Variants in FILIP1L observed in about 807,000 individuals in gnomAD.
FILIP1L encodes filamin A-interacting protein 1-like.
In FILIP1L, 55 loss-of-function variants were observed where a neutral mutation model predicts 96.6. That is an observed-to-expected ratio of 0.57 (90% confidence interval 0.46 to 0.71). FILIP1L has a LOEUF of 0.71. FILIP1L is among the 30% of genes least tolerant of loss of function. The probability of loss-of-function intolerance (pLI) is 0.00; values close to 1 mark genes in which losing one functional copy is unlikely to be tolerated. For missense variants in FILIP1L, 1,304 were observed against 1,321.2 expected, an observed-to-expected ratio of 0.99 and a Z score of 0.20; for synonymous variants, 467 against 473.9, an observed-to-expected ratio of 0.99 and a Z score of 0.19.
intron 1 of FILIP1L, among the ~76,000 whole-genome samples, chr3:100,046,186 T>C (rs910446451): frequency 1.3e-5 from 2 of 152,178 alleles, no homozygotes; most frequent in Admixed American, 6.5e-5. Flanking sequence ...GATAACTCTA[T>C]GAATCTAATC....
chr3:99,840,953 C>T (rs1943105255), intron 5 of FILIP1L, among the ~76,000 whole-genome samples: 1 of 152,174 alleles, frequency 6.6e-6, no homozygotes, highest in African/African-American at 2.4e-5. Flanking sequence ...CAGTTTCCCA[C>T]TTGATTAAAT....
intron 1 of FILIP1L, among the ~76,000 whole-genome samples, chr3:99,987,117 C>T (rs1464856004): frequency 6.6e-6 from 1 of 151,998 alleles, no homozygotes; most frequent in Non-Finnish European, 1.5e-5. Context: ...GTAGTTCCAC[C>T]TACTCAGGAG....
intron 1 of FILIP1L, among the ~76,000 whole-genome samples, chr3:100,011,539 T>A (rs138955089): frequency 1.3e-5 from 2 of 152,204 alleles, no homozygotes; most frequent in African/African-American, 4.8e-5. Context: ...TACCTGACAA[T>A]TTATATCTAT....
At chr3:99,841,158 C>G (rs958160781) in intron 5 of FILIP1L, among the ~76,000 whole-genome samples, 49 of 152,344 alleles carry the variant, frequency 3.2e-4, no homozygotes, top group African/African-American at 1.1e-3. Context: ...AGACACTGCG[C>G]ATGTCACTGA....
chr3:99,878,865 T>G (rs567953802), intron 4 of FILIP1L, among the ~76,000 whole-genome samples: 1 of 152,360 alleles, frequency 6.6e-6, no homozygotes, highest in African/African-American at 2.4e-5. Context: ...TAGACTTTTA[T>G]TTCCTTCCCT....
intron 4 of FILIP1L, among the ~76,000 whole-genome samples, chr3:99,920,905 A>G (rs966716729): frequency 2.0e-5 from 3 of 152,212 alleles, no homozygotes; most frequent in African/African-American, 7.2e-5. Context: ...TTCCAGGTAG[A>G]TACAAACCAA....
chr3:99,984,022 G>A lies in FILIP1L; in HGVS notation c.-10-52992C>T, dbSNP rs193016999. On this transcript the variant is annotated intron_variant, in intron 1 of 5. Transcript: ENST00000477258. Reference sequence around the variant, plus strand: ...GTTAATCTCCTAACTTCTGTGATATGTTAATTAGCATGAAAAAGGATGTAT... The same window carrying A: ...GTTAATCTCCTAACTTCTGTGATATATTAATTAGCATGAAAAAGGATGTAT... 7.3e-5 allele frequency among the ~76,000 whole-genome samples: 9 copies of A among 123,226 alleles called. No homozygotes were observed. The East Asian group carries it at 2.1e-3, about 29-fold the overall frequency. 80.8% of individuals were successfully genotyped at this position (123,226 alleles called of 152,430 possible).
At chr3:99,909,630 A>ATAC (rs1210850864) in intron 4 of FILIP1L, among the ~76,000 whole-genome samples, 2 of 152,186 alleles carry the variant, frequency 1.3e-5, no homozygotes, top group Admixed American at 1.3e-4. Context: ...AGAAATAATA[A>ATAC]TACTGCTAAT....
chr3:99,833,140 T>C (rs1331034048), intron 5 of FILIP1L: 9 of 1,102,328 alleles, frequency 8.2e-6, no homozygotes, highest in Non-Finnish European at 1.1e-5. Context: ...GGAAAGCTCA[T>C]TCATAGAAGA....
chr3:99,833,286 A>G (rs765200189), intron 5 of FILIP1L: 71 of 1,595,234 alleles, frequency 4.5e-5, no homozygotes, highest in Non-Finnish European at 6.0e-5. Flanking sequence ...AAAGAAGAGG[A>G]GTAAATTTGT....
chr3:99,904,268 A>T lies in FILIP1L; in HGVS notation c.605+19962T>A, dbSNP rs897669457. 6.6e-5 allele frequency among the ~76,000 whole-genome samples: 10 copies of T among 152,318 alleles called. No individual in the cohort carries two copies. The East Asian group carries it at 1.3e-3, about 21-fold the overall frequency. ...ATTAGAATGTGCTTATTTTATTTTC[A>T]TCATTTGCTAGTATTTTTGTTCCTA... On this transcript the variant is annotated intron_variant, in intron 4 of 5. Coordinates refer to ENST00000477258, the MANE Select transcript of FILIP1L (RefSeq NM_001387850.1).
chr3:99,830,434 G>A lies in FILIP1L; in HGVS notation c.3553C>T (p.His1185Tyr). 2.2e-6 allele frequency: 1 copy of A among 451,704 alleles called. No individual in the cohort carries two copies. Among genetic ancestry groups the A allele is most frequent in the Non-Finnish European group, 4.5e-6 (1 of 223,434 alleles). The allele number at this position is 451,704 out of a possible 1,614,324, so 28.0% of individuals were successfully genotyped here. A position where few individuals can be genotyped will look rare whatever the true frequency, so the allele number is the denominator to read the frequency against. Residue 1185 changes from histidine (H) to tyrosine (Y), a missense_variant, in exon 6 of 6, where the codon CAC becomes TAC. His to Tyr is a moderately conservative substitution (Grantham distance 83, BLOSUM62 2). Coordinates refer to ENST00000477258, the MANE Select transcript of FILIP1L (RefSeq NM_001387850.1). ...ATGAGTTACCTTCTCCCTCCCACGT[G>A]GAGGAAGGTGTTGGAGGTGACAGTT... ...VRTVTSNTFL[H>Y]VGGRR
chr3:100,060,913 CT>C (rs1429393152), intron 1 of FILIP1L, among the ~76,000 whole-genome samples: 5 of 152,120 alleles, frequency 3.3e-5, no homozygotes, highest in Non-Finnish European at 7.4e-5. Flanking sequence ...CCATACAGAT[CT>C]ATCAATGGCC....
At chr3:100,050,820 G>A (rs909489959) in intron 1 of FILIP1L, among the ~76,000 whole-genome samples, 17 of 152,194 alleles carry the variant, frequency 1.1e-4, no homozygotes, top group Middle Eastern at 3.4e-3. Flanking sequence ...ATGAACCACC[G>A]CACCCAGCCT....
intron 1 of FILIP1L, among the ~76,000 whole-genome samples, chr3:100,019,951 A>G (rs1339666045): frequency 6.6e-6 from 1 of 152,160 alleles, no homozygotes; most frequent in African/African-American, 2.4e-5. Flanking sequence ...AATGTGGCAC[A>G]AGGAAACTGG....
chr3:100,078,998 G>A (rs1576029742), intron 1 of FILIP1L, among the ~76,000 whole-genome samples: 1 of 152,186 alleles, frequency 6.6e-6, no homozygotes, highest in Non-Finnish European at 1.5e-5. Context: ...TGTGGCCCAC[G>A]TTGGACAAGC....
At chr3:99,975,942 T>C (rs1708957027) in intron 1 of FILIP1L, among the ~76,000 whole-genome samples, 1 of 152,222 alleles carries the variant, frequency 6.6e-6, no homozygotes, top group African/African-American at 2.4e-5. Flanking sequence ...TGGAGTGCAG[T>C]GGCACCATCT....
At chr3:100,024,918 C>T (rs1436622684) in intron 1 of FILIP1L, among the ~76,000 whole-genome samples, 1 of 152,132 alleles carries the variant, frequency 6.6e-6, no homozygotes, top group Non-Finnish European at 1.5e-5. Flanking sequence ...GGACTGATAT[C>T]CTGGGCTTTT....
chr3:99,857,607 A>C (rs1013616952), intron 4 of FILIP1L, among the ~76,000 whole-genome samples: 2 of 152,200 alleles, frequency 1.3e-5, no homozygotes, highest in African/African-American at 4.8e-5. Context: ...TAAAACATCA[A>C]TTATGTTTCT....
Sources: gnomAD v4.1 joint callset for allele counts (sites outside exome capture counted in the v4.1 genomes callset) on GRCh38, gnomAD v4.1.1 for gene constraint, MANE v1.5 for transcripts, NCBI Gene and HGNC (gene_info 2026-07-23, HGNC 2026-07-21) for gene names.